The following NLRP13 variants were observed in gnomAD, a reference collection of about 807,000 sequenced individuals.
NLRP13 encodes the protein NACHT, LRR and PYD domains-containing protein 13.
NLRP13 carries 82 observed loss-of-function variants against 94.4 expected under a neutral mutation model. That is an observed-to-expected ratio of 0.87 (90% CI 0.73 to 1.04). The LOEUF (loss-of-function observed/expected upper bound fraction) is 1.04. NLRP13 is among the 50% of genes least tolerant of loss of function. The pLI is 0.00. For synonymous variants in NLRP13, 553 were observed against 464.7 expected (o/e 1.19, Z -2.45); for missense variants, 1,426 against 1,230.8 (o/e 1.16, Z -2.37).
chr19:55,902,602 G>A (rs1396491381), intron 8 of NLRP13, among the ~76,000 whole-genome samples: 1 of 152,196 alleles, frequency 6.6e-6, no homozygotes. Context: ...CTGAAGTGCA[G>A]TAGGATGGTC....
intron 8 of NLRP13, among the ~76,000 whole-genome samples, chr19:55,904,440 C>G (rs1384916586): frequency 1.3e-5 from 2 of 152,132 alleles, no homozygotes; most frequent in African/African-American, 4.8e-5. Context: ...GCTGCCTCCC[C>G]CTTGCTTCAT....
At chr19:55,892,948 A>G (rs184826091), downstream of NLRP13, among the ~76,000 whole-genome samples, 8 of 152,344 alleles carry the variant, frequency 5.3e-5, no homozygotes, top group Non-Finnish European at 1.0e-4. Context: ...ACTGTTCACA[A>G]TAGCATTGAC....
chr19:55,923,330 G>A (rs538429657), intron 4 of NLRP13, among the ~76,000 whole-genome samples: 1 of 152,304 alleles, frequency 6.6e-6, no homozygotes, highest in Admixed American at 6.5e-5. Flanking sequence ...TTGGAAGGCT[G>A]GGGGAGAGGG....
chr19:55,915,533 G>A (rs577608563), intron 4 of NLRP13, among the ~76,000 whole-genome samples: 1 of 152,328 alleles, frequency 6.6e-6, no homozygotes, highest in East Asian at 1.9e-4. Context: ...GGGAGGCAGA[G>A]GTTGCAGCAG....
Position 55,912,850 on chromosome 19 carries a change from A to C in NLRP13, c.967T>G (p.Ser323Ala). ...FEEIIISESR[S>A]ESLDDGSPCT... ...GGCGAGCCATCATCCAAGCTCTCAG[A>C]GCGTGACTCAGATATGATTATTTCC... Residue 323 changes from serine (S) to alanine (A), a missense_variant, in exon 5 of 11, where the codon TCT (serine) becomes GCT (alanine). Transcript: ENST00000342929. 1 of 1,614,198 alleles carries C rather than the reference A, an allele frequency of 6.2e-7. No homozygotes were observed. The highest frequency in any genetic ancestry group is 8.5e-7 in the Non-Finnish European group (1 of 1,180,036).
intron 4 of NLRP13, among the ~76,000 whole-genome samples, chr19:55,920,121 A>G (rs1265558650): frequency 3.3e-5 from 5 of 152,192 alleles, no homozygotes; most frequent in African/African-American, 1.2e-4. Context: ...AAAACTGGCT[A>G]GCCATATGTA....
chr19:55,923,735 G>C (rs920043582), intron 4 of NLRP13, among the ~76,000 whole-genome samples, 179 bp downstream of exon 4: 2 of 152,144 alleles, frequency 1.3e-5, no homozygotes, highest in Non-Finnish European at 2.9e-5. Context: ...AGGGTCTGCG[G>C]GTTGGACCTG....
intron 4 of NLRP13, among the ~76,000 whole-genome samples, chr19:55,922,799 G>A (rs146376591): frequency 6.6e-6 from 1 of 152,338 alleles, no homozygotes; most frequent in East Asian, 1.9e-4. Flanking sequence ...GGATAGAAGG[G>A]AAGACAGATA....
chr19:55,893,222 C>G (rs1402296273), downstream of NLRP13, among the ~76,000 whole-genome samples: 1 of 152,064 alleles, frequency 6.6e-6, no homozygotes, highest in Non-Finnish European at 1.5e-5. Flanking sequence ...AACCCCATCT[C>G]TACTAAAAAT....
At chr19:55,898,295 T>A (rs1986071066) in intron 10 of NLRP13, among the ~76,000 whole-genome samples, 1 of 147,114 alleles carries the variant, frequency 6.8e-6, no homozygotes, top group African/African-American at 2.5e-5. Flanking sequence ...CTGCAACCTC[T>A]ACCTCCCGGG....
chr19:55,926,963 A>G (rs1362302093), intron 1 of NLRP13, among the ~76,000 whole-genome samples: 3 of 152,088 alleles, frequency 2.0e-5, no homozygotes, highest in African/African-American at 4.8e-5. Flanking sequence ...GCTGGAGCCA[A>G]TGGATATCTA....
rs770923816 is a variant in NLRP13, at chr19:55,902,020, GC to G, written c.2789+14del. 6.8e-6 allele frequency: 11 copies of G among 1,613,150 alleles called. No homozygotes were observed. The South Asian group carries it at 1.1e-4, about 16-fold the overall frequency. On this transcript the variant is annotated intron_variant, in intron 9 of 10. Coordinates refer to ENST00000342929, the MANE Select transcript of NLRP13 (RefSeq NM_176810.2). Reference sequence around the variant, plus strand: ...TCCTCCATCTGCCAACTCAGAGGGAGCCAAGAAAACTTACTTCAGGCTCTGC... The same window carrying G: ...TCCTCCATCTGCCAACTCAGAGGGAGCAAGAAAACTTACTTCAGGCTCTGC...
rs1338071833 is a variant in NLRP13 at position 55,930,901 on chromosome 19, A to ATATTTTTTTTT, written c.319+1091_319+1092insAAAAAAAAATA. Among the ~76,000 whole-genome samples, 76 of 98,284 alleles carry ATATTTTTTTTT rather than the reference A, an allele frequency of 7.7e-4. 1 individual carries two copies. The highest frequency in any genetic ancestry group is 7.9e-4 in the Non-Finnish European group (42 of 53,098). 64.5% of individuals were successfully genotyped at this position (98,284 alleles called of 152,430 possible). A position where few individuals can be genotyped will look rare whatever the true frequency, so the allele number is the denominator to read the frequency against. On this transcript the variant is annotated intron_variant, in intron 1 of 10. Coordinates refer to ENST00000342929, the MANE Select transcript of NLRP13 (RefSeq NM_176810.2). ...ATATATATATATATATATATATAAA[A>ATATTTTTTTTT]TTTTAACCAGAAGCTTAAACAGCAT...
chr19:55,894,547 C>T (rs1184028650), downstream of NLRP13, among the ~76,000 whole-genome samples: 1 of 152,202 alleles, frequency 6.6e-6, no homozygotes, highest in Non-Finnish European at 1.5e-5. Context: ...AGGGACTCCT[C>T]CTTCCAGCCT....
intron 4 of NLRP13, among the ~76,000 whole-genome samples, chr19:55,913,569 A>AAAAAAAAAAAAAAAAAAAC (rs1263717740): frequency 6.8e-6 from 1 of 147,774 alleles, no homozygotes; most frequent in Non-Finnish European, 1.5e-5. Flanking sequence ...AAAAAAAAAA[A>AAAAAAAAAAAAAAAAAAAC]AAGTTGCAAA....
At chr19:55,927,026 T>C (rs1986981453) in intron 1 of NLRP13, among the ~76,000 whole-genome samples, 1 of 151,134 alleles carries the variant, frequency 6.6e-6, no homozygotes. Flanking sequence ...TTACACCTTA[T>C]ACAGGAGAAA....
intron 8 of NLRP13, among the ~76,000 whole-genome samples, chr19:55,902,660 C>T (rs1986220603): frequency 1.3e-5 from 2 of 152,000 alleles, no homozygotes; most frequent in African/African-American, 2.4e-5. Context: ...GTGCTTGGGA[C>T]AGCACTTGGC....
chr19:55,893,032 A>C (rs1031985727), downstream of NLRP13, among the ~76,000 whole-genome samples: 6 of 152,306 alleles, frequency 3.9e-5, no homozygotes, highest in East Asian at 5.8e-4. Flanking sequence ...TGCAGTGTAA[A>C]GTGGCAAACT....
chr19:55,931,107 G>A (rs943427086), intron 1 of NLRP13, among the ~76,000 whole-genome samples: 4 of 151,746 alleles, frequency 2.6e-5, no homozygotes, highest in African/African-American at 9.7e-5. Flanking sequence ...GGGAAGTGTC[G>A]CAGCTTGTGA....
Sources: allele counts gnomAD v4.1 joint callset (sites outside exome capture counted in the v4.1 genomes callset), GRCh38; gene constraint gnomAD v4.1.1; transcripts MANE v1.5; gene names NCBI Gene and HGNC (gene_info 2026-07-23, HGNC 2026-07-21).